DOCK11: variants seen among roughly 807,000 people sequenced by gnomAD.
DOCK11 encodes dedicator of cytokinesis 11.
In DOCK11, 70 loss-of-function variants were observed where a neutral mutation model predicts 169.1. That is an observed-to-expected ratio of 0.41 (90% CI 0.34 to 0.51). DOCK11 has a LOEUF of 0.51. Among genes scored for constraint, DOCK11 ranks in the 20% least tolerant of loss-of-function variants. The pLI, the probability that DOCK11 is intolerant of heterozygous loss-of-function variation, is 0.10. For synonymous variants in DOCK11, 529 were observed against 541.3 expected, an observed-to-expected ratio of 0.98 and a Z score of 0.32; for missense variants, 1,166 against 1,538.8, an observed-to-expected ratio of 0.76 and a Z score of 4.05.
chrX:118,673,916 T>G (rs1280449719), intron 46 of DOCK11, among the ~76,000 whole-genome samples: 1 of 111,692 alleles, frequency 9.0e-6, no homozygotes, highest in Admixed American at 9.5e-5. Context: ...ATCTGAAAAT[T>G]CGAAATCATA....
chrX:118,645,118 G>A (rs1325633059), intron 40 of DOCK11, among the ~76,000 whole-genome samples: 1 of 111,715 alleles, frequency 9.0e-6, no homozygotes, highest in African/African-American at 3.3e-5. Flanking sequence ...ACAGGGGAAA[G>A]ACTACATTTG....
intron 21 of DOCK11, 101 bp downstream of exon 21, chrX:118,597,653 G>A: frequency 1.0e-6 from 1 of 1,001,023 alleles, no homozygotes. Context: ...TCAAAGTGGG[G>A]TCTGAGGGCT....
chrX:118,646,053 CAAAA>C (rs754457760), intron 40 of DOCK11, among the ~76,000 whole-genome samples: 7,297 of 38,515 alleles, frequency 0.19, 217 homozygotes, highest in Non-Finnish European at 0.22. Flanking sequence ...GAGACTTCGT[CAAAA>C]AAAAAAAAAA....
chrX:118,674,193 G>A (rs1299049731), intron 46 of DOCK11, among the ~76,000 whole-genome samples: 1 of 110,950 alleles, frequency 9.0e-6, no homozygotes, highest in Non-Finnish European at 1.9e-5. Context: ...CTCTGTCATC[G>A]AGGTTGGAGT....
intron 14 of DOCK11, among the ~76,000 whole-genome samples, chrX:118,582,849 G>A (rs2013694176): frequency 8.9e-6 from 1 of 112,021 alleles, no homozygotes. Flanking sequence ...AAATTAGTTT[G>A]ACCATTGTGG....
intron 6 of DOCK11, among the ~76,000 whole-genome samples, chrX:118,559,041 C>G (rs1196589573): frequency 8.9e-6 from 1 of 111,871 alleles, no homozygotes; most frequent in East Asian, 2.8e-4. Context: ...ATCATATTCT[C>G]TCCTCAGATT....
chrX:118,626,264 T>G (rs2015101604), intron 32 of DOCK11, among the ~76,000 whole-genome samples: 1 of 106,372 alleles, frequency 9.4e-6, no homozygotes, highest in Non-Finnish European at 1.9e-5. Context: ...AGACGGGGGG[T>G]TTCACCATGT....
intron 1 of DOCK11, among the ~76,000 whole-genome samples, chrX:118,513,969 G>A (rs2057666490): frequency 9.0e-6 from 1 of 110,956 alleles, no homozygotes; most frequent in Non-Finnish European, 1.9e-5. Context: ...GATATGGTTT[G>A]GCTGTGTACC....
Position 118,681,116 on chromosome X carries a change from T to C in DOCK11, c.5730T>C (p.Ile1910=). The change falls in exon 50 of 53, where the codon ATT becomes ATC. Residue 1910 remains isoleucine, a synonymous_variant. Transcript: ENST00000276202. ...KRIPINCEQQ[I]NLKPIDVATD... is the part of the protein sequence containing the mutation. ...TTCCTATTAACTGTGAACAGCAGAT[T>C]AATTTAAAACCAATTGATGTTGCCA... 2 of 1,203,664 alleles carry C rather than the reference T, an allele frequency of 1.7e-6. No individual in the cohort carries two copies. Among genetic ancestry groups the C allele is most frequent in the Non-Finnish European group, 2.2e-6 (2 of 891,844 alleles).
Position 118,681,801 on chromosome X carries a change from G to A in DOCK11, c.5963+7G>A, listed in dbSNP as rs2016749003. 6.8e-6 allele frequency: 8 copies of A among 1,168,636 alleles called. No individual in the cohort carries two copies. The highest frequency in any genetic ancestry group is 9.2e-6 in the Non-Finnish European group (8 of 867,147). ...AGTTGAAAGACATGTTTAGGTAAGT[G>A]TTTTATAGTTTTCAGGTTAGACCCG... On this transcript the variant is annotated splice_region_variant and intron_variant, in intron 51 of 52. Coordinates refer to ENST00000276202, the MANE Select transcript of DOCK11 (RefSeq NM_144658.4).
At position 118,664,478 on chromosome X, in the gene DOCK11, C is replaced by G. The variant is rs113906509; in HGVS notation, c.5076+1686C>G. 6.4e-3 allele frequency among the ~76,000 whole-genome samples: 697 copies of G among 109,759 alleles called. 13 individuals are homozygous for G. The highest frequency in any genetic ancestry group is 0.022 in the African/African-American group (662 of 30,146). On this transcript the variant is annotated intron_variant, in intron 45 of 52. Transcript: ENST00000276202. ...CGAGACCAGCCTGGCCAACATGGCT[C>G]TACTAAAAATACAAAAATTAGCCAG...
At position 118,606,537 on chromosome X, in the gene DOCK11, G is replaced by C. The variant is rs1241958354; in HGVS notation, c.2681+1181G>C. On this transcript the variant is annotated intron_variant, in intron 24 of 52. Coordinates refer to ENST00000276202, the MANE Select transcript of DOCK11 (RefSeq NM_144658.4). ...ACAAACAAGGATATATTGTAGAGTAGAATGCAAAATGCACCTGAATTTTGA... is the reference window on the plus strand; with the variant it reads ...ACAAACAAGGATATATTGTAGAGTACAATGCAAAATGCACCTGAATTTTGA... Among the ~76,000 whole-genome samples, 10 of 112,225 alleles carry C rather than the reference G, an allele frequency of 8.9e-5. 1 individual carries two copies. Among genetic ancestry groups the C allele is most frequent in the Non-Finnish European group, 1.9e-5 (1 of 53,258 alleles).
At chrX:118,624,701 A>C (rs1248737210) in intron 32 of DOCK11, 46 bp downstream of exon 32, 2 of 905,344 alleles carry the variant, frequency 2.2e-6, no homozygotes, top group Non-Finnish European at 3.2e-6. Flanking sequence ...TATTTTATTG[A>C]ATGCATTTGG....
intron 10 of DOCK11, 60 bp from the exon 11 acceptor site, chrX:118,572,263 A>ATG (rs1418489161): frequency 2.0e-6 from 2 of 1,022,622 alleles, no homozygotes; most frequent in African/African-American, 3.8e-5. Flanking sequence ...TTGTATATTG[A>ATG]TGTAAATCAA....
chrX:118,637,700 A>G (rs2015426183), intron 36 of DOCK11, among the ~76,000 whole-genome samples: 2 of 111,730 alleles, frequency 1.8e-5, no homozygotes, highest in Non-Finnish European at 3.8e-5. Context: ...TCGAGGCTGC[A>G]GTGAGCCGCG....
chrX:118,681,295 T>G (rs375858487), intron 50 of DOCK11, 47 bp downstream of exon 50: 12 of 1,088,089 alleles, frequency 1.1e-5, no homozygotes, highest in Middle Eastern at 5.3e-4. Context: ...GATGTTTCTT[T>G]TGGTTTTATA....
chrX:118,534,487 C>A (rs1432540208), intron 1 of DOCK11, among the ~76,000 whole-genome samples: 1 of 111,897 alleles, frequency 8.9e-6, no homozygotes, highest in Non-Finnish European at 1.9e-5. Flanking sequence ...AATAATTCGG[C>A]AGTTAAAACA....
At chrX:118,560,244 G>A (rs1188813305) in intron 6 of DOCK11, among the ~76,000 whole-genome samples, 1 of 111,605 alleles carries the variant, frequency 9.0e-6, no homozygotes, top group Non-Finnish European at 1.9e-5. Flanking sequence ...ATGCTATGGA[G>A]AAATAAATTG....
intron 41 of DOCK11, among the ~76,000 whole-genome samples, chrX:118,650,843 A>G (rs1294204409): frequency 1.8e-5 from 2 of 112,230 alleles, no homozygotes; most frequent in African/African-American, 6.5e-5. Flanking sequence ...TAAGTGCTCA[A>G]TAAAGGATTA....
Sources: allele counts gnomAD v4.1 joint callset (sites outside exome capture counted in the v4.1 genomes callset), GRCh38; gene constraint gnomAD v4.1.1; transcripts MANE v1.5; gene names NCBI Gene and HGNC (gene_info 2026-07-23, HGNC 2026-07-21).